ERBB4: variants seen among roughly 807,000 people sequenced by gnomAD.
ERBB4 encodes receptor tyrosine-protein kinase erbB-4.
Under a neutral mutation model 158.0 loss-of-function variants are expected in ERBB4, and 42 were observed. The observed-to-expected ratio is 0.27, with a 90% CI of 0.21 to 0.34. The LOEUF (loss-of-function observed/expected upper bound fraction) is 0.34. ERBB4 is among the 10% of genes least tolerant of loss of function. The pLI is 1.00. For missense variants in ERBB4, 1,333 were observed against 1,624.1 expected, an observed-to-expected ratio of 0.82 and a Z score of 3.08; for synonymous variants, 583 against 558.7, an observed-to-expected ratio of 1.04 and a Z score of -0.61.
chr2:211,430,785 C>CAT (rs750393538), intron 21 of ERBB4, among the ~76,000 whole-genome samples, 160 bp downstream of exon 21: 113 of 150,936 alleles, frequency 7.5e-4, no homozygotes, highest in Non-Finnish European at 1.4e-3. Context: ...TATACACACA[C>CAT]ATATATATAT....
chr2:212,403,928 T>A (rs949475276), intron 1 of ERBB4, among the ~76,000 whole-genome samples: 2 of 152,038 alleles, frequency 1.3e-5, no homozygotes, highest in Non-Finnish European at 2.9e-5. Flanking sequence ...TAGGCAGGCC[T>A]GCTAGCCATA....
chr2:211,814,907 A>G (rs1033163858), intron 3 of ERBB4, among the ~76,000 whole-genome samples: 2 of 152,200 alleles, frequency 1.3e-5, no homozygotes, highest in African/African-American at 2.4e-5. Context: ...CATATGCCAC[A>G]TTTATACACA....
chr2:211,780,299 G>A (rs560812359), intron 4 of ERBB4, among the ~76,000 whole-genome samples: 58 of 152,242 alleles, frequency 3.8e-4, no homozygotes, highest in Non-Finnish European at 2.5e-4. Flanking sequence ...AAGCGGTCGA[G>A]GCTCCAGTGA....
chr2:211,799,699 C>A (rs1284663184), intron 3 of ERBB4, among the ~76,000 whole-genome samples: 1 of 152,074 alleles, frequency 6.6e-6, no homozygotes, highest in South Asian at 2.1e-4. Context: ...CATGAGGCAA[C>A]TGAAAGGAGA....
rs764535094 is a variant in ERBB4 at position 211,704,110 on chromosome 2, A to G, written c.1283T>C (p.Leu428Pro). 6.3e-7 allele frequency: 1 copy of G among 1,587,328 alleles called. No individual in the cohort carries two copies. The highest frequency in any genetic ancestry group is 8.7e-7 in the Non-Finnish European group (1 of 1,155,666). The change falls in exon 11 of 28, where the codon CTC becomes CCC. Residue 428 changes from leucine to proline, a missense_variant. Leu to Pro is a moderately conservative substitution (Grantham distance 98). This residue lies in a region of ERBB4 where 438 missense variants were observed against 586.9 expected (regional missense o/e 0.75). Coordinates refer to ENST00000342788, the MANE Select transcript of ERBB4 (RefSeq NM_005235.3). ...SNLVTIGGRV[L>P]YSGLSLLILK... ...TTTAAACATATCCACTTACCTATAG[A>G]GTACTCTTCCACCAATGGTCACCAG...
chr2:211,450,215 C>T (rs1311578964), intron 20 of ERBB4, among the ~76,000 whole-genome samples: 1 of 152,020 alleles, frequency 6.6e-6, no homozygotes, highest in Non-Finnish European at 1.5e-5. Context: ...GCAGAAATAA[C>T]AAGACAGAGA....
chr2:211,983,494 T>C (rs558701519), intron 2 of ERBB4, among the ~76,000 whole-genome samples: 10 of 152,340 alleles, frequency 6.6e-5, no homozygotes, highest in African/African-American at 2.2e-4. Context: ...ATTTGTTTAA[T>C]GCTAGATCAT....
chr2:212,079,619 T>C (rs552920951), intron 2 of ERBB4, among the ~76,000 whole-genome samples: 2 of 152,218 alleles, frequency 1.3e-5, no homozygotes, highest in East Asian at 3.9e-4. Flanking sequence ...TGAACAAATT[T>C]AGATGGTACT....
intron 1 of ERBB4, among the ~76,000 whole-genome samples, chr2:212,381,567 C>T (rs780190570): frequency 1.6e-4 from 24 of 151,214 alleles, no homozygotes; most frequent in Admixed American, 3.3e-4. Flanking sequence ...TCAAATACCA[C>T]CAAATCAACC....
chr2:211,785,718 TGATATTA>T, intron 4 of ERBB4, among the ~76,000 whole-genome samples: 1 of 152,180 alleles, frequency 6.6e-6, no homozygotes, highest in East Asian at 1.9e-4. Context: ...TGCTTGAAAA[TGATATTA>T]GATATTAATC....
intron 3 of ERBB4, among the ~76,000 whole-genome samples, chr2:211,812,590 C>T (rs1055807448): frequency 1.1e-4 from 16 of 152,166 alleles, no homozygotes; most frequent in African/African-American, 3.6e-4. Context: ...CAGACAGGGA[C>T]GTTTAAGTCT....
chr2:211,451,292 T>C (rs1397891252), intron 20 of ERBB4, among the ~76,000 whole-genome samples: 1 of 152,088 alleles, frequency 6.6e-6, no homozygotes, highest in Non-Finnish European at 1.5e-5. Context: ...AGGTCATTAG[T>C]GATGTTGTTG....
rs143834718 is a variant in ERBB4 at position 212,131,795 on chromosome 2, C to T, written c.83-6892G>A. Among the ~76,000 whole-genome samples, 15 of 152,190 alleles carry T rather than the reference C, an allele frequency of 9.9e-5. No homozygotes were observed. The East Asian group carries it at 1.5e-3, about 16-fold the overall frequency. On this transcript the variant is annotated intron_variant, in intron 1 of 27. Transcript: ENST00000342788. ...CCACCCAATCAAAGCAGGACTAGTA[C>T]GGTCCAGTGCATTTTGCAATGAATG...
intron 24 of ERBB4, 86 bp downstream of exon 24, chr2:211,421,921 C>A: frequency 1.2e-6 from 1 of 831,752 alleles, no homozygotes; most frequent in South Asian, 1.3e-5. Context: ...GTGGTCCTTT[C>A]CACAGTTCCA....
At chr2:212,146,678 G>A (rs547713811) in intron 1 of ERBB4, among the ~76,000 whole-genome samples, 5 of 152,064 alleles carry the variant, frequency 3.3e-5, no homozygotes, top group South Asian at 2.1e-4. Context: ...TTGCAAAGAC[G>A]TCCCTAACTA....
chr2:212,063,386 A>C (rs1259336146), intron 2 of ERBB4, among the ~76,000 whole-genome samples: 1 of 152,186 alleles, frequency 6.6e-6, no homozygotes, highest in African/African-American at 2.4e-5. Context: ...TATCTTAAAT[A>C]GTTTGAAGGA....
chr2:211,523,650 T>G (rs918615326), intron 20 of ERBB4, among the ~76,000 whole-genome samples: 5 of 152,074 alleles, frequency 3.3e-5, no homozygotes, highest in African/African-American at 1.2e-4. Context: ...GGTGGGCTCG[T>G]GGTCCCGCCG....
At chr2:212,293,833 G>C (rs941585727) in intron 1 of ERBB4, among the ~76,000 whole-genome samples, 3 of 109,842 alleles carry the variant, frequency 2.7e-5, no homozygotes, top group African/African-American at 1.0e-4. Context: ...GGGTGACAGA[G>C]GAAGACTCTG....
At chr2:211,988,679 T>C (rs2081997160) in intron 2 of ERBB4, among the ~76,000 whole-genome samples, 1 of 152,052 alleles carries the variant, frequency 6.6e-6, no homozygotes, top group Non-Finnish European at 1.5e-5. Flanking sequence ...TTACATCATC[T>C]ACCCAAGCAA....
Sources: allele counts gnomAD v4.1 joint callset (sites outside exome capture counted in the v4.1 genomes callset), GRCh38; gene constraint gnomAD v4.1.1; regional missense constraint gnomAD v4.1.1; transcripts MANE v1.5; gene names NCBI Gene and HGNC (gene_info 2026-07-23, HGNC 2026-07-21).